Variants in OFD1 observed in about 807,000 individuals in gnomAD.
OFD1 encodes the protein centriole and centriolar satellite protein OFD1.
Under a neutral mutation model 81.4 loss-of-function variants are expected in OFD1, and 12 were observed. That is an observed-to-expected ratio of 0.15 (90% confidence interval 0.09 to 0.24). OFD1 has a LOEUF of 0.24. Ranked by LOEUF, OFD1 falls within the 10% of genes least tolerant of loss-of-function variation. The pLI is 1.00. For synonymous variants in OFD1, 256 were observed against 263.7 expected (o/e 0.97, Z 0.28); for missense variants, 685 against 733.9 (o/e 0.93, Z 0.77).
chrX:13,760,510 T>G lies in OFD1; in HGVS notation c.2050T>G (p.Ser684Ala). 3.4e-6 allele frequency: 4 copies of G among 1,168,857 alleles called. No homozygotes were observed. Among genetic ancestry groups the G allele is most frequent in the Non-Finnish European group, 4.6e-6 (4 of 876,622 alleles). Residue 684 changes from serine (S) to alanine (A), a missense_variant, in exon 16 of 23, where the codon TCC becomes GCC. Ser to Ala is a moderately conservative substitution (Grantham distance 99, BLOSUM62 1). Transcript: ENST00000340096. ...HLLEAFKNIT[S>A]SSPERHIFGE... Reference sequence around the variant, plus strand: ...GCTGGAAGCCTTCAAAAACATTACTTCCAGTTCCCCGGAAAGACATATTTT... The same window carrying G: ...GCTGGAAGCCTTCAAAAACATTACTGCCAGTTCCCCGGAAAGACATATTTT...
intron 5 of OFD1, 137 bp from the exon 6 acceptor site, chrX:13,744,278 G>A (rs2047212922): frequency 4.5e-6 from 2 of 445,534 alleles, no homozygotes; most frequent in African/African-American, 4.9e-5. Context: ...GGGTGACAGA[G>A]CAAGACTTTT....
Position 13,763,781 on chromosome X carries a change from G to C in OFD1, c.2525G>C (p.Gly842Ala), listed in dbSNP as rs201180146. 1.7e-6 allele frequency: 2 copies of C among 1,209,672 alleles called. No homozygotes were observed. Among genetic ancestry groups the C allele is most frequent in the Non-Finnish European group, 2.2e-6 (2 of 895,076 alleles). Residue 842 changes from glycine to alanine, a missense_variant, in exon 19 of 23, where the codon GGG (glycine) becomes GCG (alanine). Physicochemically the swap from Gly to Ala is moderately conservative, Grantham distance 60 (BLOSUM62 0). Around this residue, in one of 3 missense-constraint regions of OFD1, gnomAD observed 259 missense variants for 254.4 expected, o/e 1.02. Coordinates refer to ENST00000340096, the MANE Select transcript of OFD1 (RefSeq NM_003611.3). ...ATGCCAAGGCAGTTGGAAATGGGCG[G>C]GCTTTCTCCTGCCGGGGATATGTCT... ...GNMPRQLEMG[G>A]LSPAGDMSHV...
intron 5 of OFD1, among the ~76,000 whole-genome samples, chrX:13,740,861 G>T (rs1288887511): frequency 9.1e-6 from 1 of 109,327 alleles, no homozygotes; most frequent in African/African-American, 3.3e-5. Flanking sequence ...TTCCATGGCC[G>T]GGCGCAGTGG....
At chrX:13,750,214 C>T (rs186449839) in intron 9 of OFD1, among the ~76,000 whole-genome samples, 1 of 112,140 alleles carries the variant, frequency 8.9e-6, no homozygotes, top group South Asian at 3.7e-4. Flanking sequence ...ACCTTACTCT[C>T]TTTTTGGCAA....
At chrX:13,758,256 CATG>C (rs2147035627) in intron 14 of OFD1, 78 bp from the exon 15 acceptor site, 1 of 679,218 alleles carries the variant, frequency 1.5e-6, no homozygotes, top group African/African-American at 2.1e-5. Context: ...AGAGTACAAA[CATG>C]ATAAGAGAAC....
chrX:13,755,921 A>G (rs2047683657), intron 12 of OFD1, among the ~76,000 whole-genome samples: 1 of 104,953 alleles, frequency 9.5e-6, no homozygotes, highest in African/African-American at 3.5e-5. Context: ...ACAACATTTT[A>G]CAGAATCTTT....
At chrX:13,748,516 C>G (rs768617356) in intron 8 of OFD1, among the ~76,000 whole-genome samples, 20 of 112,368 alleles carry the variant, frequency 1.8e-4, no homozygotes, top group African/African-American at 3.2e-4. Flanking sequence ...GTTTCTCACT[C>G]CCTGACTAAA....
intron 9 of OFD1, 22 bp from the exon 10 acceptor site, chrX:13,751,227 T>C (rs769541522): frequency 8.3e-7 from 1 of 1,201,435 alleles, no homozygotes; most frequent in Non-Finnish European, 1.1e-6. Context: ...TTATTTACTT[T>C]TTATATTTTT....
chrX:13,718,368 G>C, the OFD1 span, among the ~76,000 whole-genome samples: 2 of 113,231 alleles, frequency 1.8e-5, no homozygotes, highest in Non-Finnish European at 3.7e-5. Flanking sequence ...GCTCACAGCA[G>C]TGTTTTCTTT....
Position 13,760,217 on chromosome X carries a change from G to A in OFD1, c.1757G>A (p.Ser586Asn), listed in dbSNP as rs1161152235. 1 of 1,211,777 alleles carries A rather than the reference G, an allele frequency of 8.3e-7. No individual in the cohort carries two copies. Among genetic ancestry groups the A allele is most frequent in the Non-Finnish European group, 1.1e-6 (1 of 895,528 alleles). The change falls in exon 16 of 23, where the codon AGT (serine) becomes AAT (asparagine). Residue 586 changes from serine to asparagine, a missense_variant. Physicochemically the swap from Ser to Asn is conservative, Grantham distance 46. Around this residue, in one of 3 missense-constraint regions of OFD1, gnomAD observed 414 missense variants for 447.2 expected, o/e 0.93. Coordinates refer to ENST00000340096, the MANE Select transcript of OFD1 (RefSeq NM_003611.3). ...GNVVPCNGEISGDFLNNPFKQ... is the reference protein window; with the variant it reads ...GNVVPCNGEINGDFLNNPFKQ... The stretch of plus-strand genomic sequence containing the variant: ...GTGGTGCCTTGCAATGGTGAGATAA[G>A]TGGGGATTTCTTGAACAATCCTTTT...
At chrX:13,765,886 C>G (rs1172992692) in intron 19 of OFD1, among the ~76,000 whole-genome samples, 8 of 111,971 alleles carry the variant, frequency 7.1e-5, no homozygotes, top group Admixed American at 6.6e-4. Flanking sequence ...TACAAGATAT[C>G]CTGCAAGTGA....
the OFD1 span, chrX:13,716,438 G>T: frequency 1.9e-6 from 2 of 1,054,740 alleles, no homozygotes; most frequent in Non-Finnish European, 2.6e-6. Context: ...TGACTGTGAA[G>T]TCTACAGACT....
Position 13,769,290 on chromosome X carries a change from CG to C in OFD1, c.*183del, listed in dbSNP as rs1569168437. 3 of 446,125 alleles carry C rather than the reference CG, an allele frequency of 6.7e-6. No individual in the cohort carries two copies. The highest frequency in any genetic ancestry group is 1.2e-5 in the Non-Finnish European group (3 of 250,493). The allele number at this position is 446,125 out of a possible 1,213,427, so 36.8% of individuals were successfully genotyped here. ...GTGTGAACCAAGAATAATCTAGTCA[CG>C]TGAAACCTCTTCTCCAGTCATAGTA... is the stretch of plus-strand genomic sequence containing the variant. On this transcript the variant is annotated 3_prime_UTR_variant, in exon 23 of 23. Transcript: ENST00000340096.
At chrX:13,760,951 A>G in intron 16 of OFD1, 134 bp from the exon 17 acceptor site, 2 of 860,005 alleles carry the variant, frequency 2.3e-6, no homozygotes, top group East Asian at 6.2e-5. Context: ...AGTTTTCTGG[A>G]TCTTATGCAT....
chrX:13,742,211 G>A (rs1045313117), intron 5 of OFD1, among the ~76,000 whole-genome samples: 1 of 111,793 alleles, frequency 8.9e-6, no homozygotes, highest in African/African-American at 3.3e-5. Context: ...TTTAACAAAG[G>A]TGCAAAGGCA....
At chrX:13,731,028 G>A (rs2046666778), upstream of OFD1, among the ~76,000 whole-genome samples, 1 of 111,344 alleles carries the variant, frequency 9.0e-6, no homozygotes, top group Non-Finnish European at 1.9e-5. Context: ...TATCAAACCT[G>A]CATGTTGTGC....
At chrX:13,715,290 T>C in the OFD1 span, among the ~76,000 whole-genome samples, 1 of 112,681 alleles carries the variant, frequency 8.9e-6, no homozygotes. Context: ...CTGGCCAACA[T>C]GGCAAAACCT....
intron 8 of OFD1, among the ~76,000 whole-genome samples, chrX:13,747,521 G>A (rs1404244758): frequency 8.9e-6 from 1 of 111,963 alleles, no homozygotes; most frequent in East Asian, 2.8e-4. Flanking sequence ...CTAGAGAAAG[G>A]CAGCCTACTT....
At chrX:13,772,944 C>T, downstream of OFD1, 1 of 1,209,121 alleles carries the variant, frequency 8.3e-7, no homozygotes. Context: ...CCTGTTCTTC[C>T]TTTGCTTTGA....
Sources: gnomAD v4.1 joint callset for allele counts (sites outside exome capture counted in the v4.1 genomes callset) on GRCh38, gnomAD v4.1.1 for gene constraint, gnomAD v4.1.1 regional missense constraint, MANE v1.5 for transcripts, NCBI Gene and HGNC (gene_info 2026-07-23, HGNC 2026-07-21) for gene names.